SGMS2: variants seen among roughly 807,000 people sequenced by gnomAD.
The protein encoded by SGMS2 is phosphatidylcholine:ceramide cholinephosphotransferase 2.
Under a neutral mutation model 43.8 loss-of-function variants are expected in SGMS2, and 21 were observed. The ratio of observed to expected loss-of-function variants is 0.48; its 90% confidence interval spans 0.34 to 0.69. SGMS2 has a LOEUF of 0.69. Ranked by LOEUF, SGMS2 falls within the 30% of genes least tolerant of loss-of-function variation. The pLI is 0.01. For synonymous variants in SGMS2, 167 were observed against 160.6 expected (o/e 1.04, Z -0.30); for missense variants, 384 against 443.2 (o/e 0.87, Z 1.20).
At chr4:107,876,624 G>A (rs1336988906) in intron 2 of SGMS2, among the ~76,000 whole-genome samples, 1 of 152,210 alleles carries the variant, frequency 6.6e-6, no homozygotes, top group East Asian at 1.9e-4. Context: ...GGTAGAGGGA[G>A]CAATCAATAT....
chr4:107,829,234 A>G lies in SGMS2; in HGVS notation c.-327+3981A>G, dbSNP rs375733538. On this transcript the variant is annotated intron_variant, in intron 1 of 6. Coordinates refer to ENST00000690982, the MANE Select transcript of SGMS2 (RefSeq NM_001375905.1). The stretch of plus-strand genomic sequence containing the variant: ...TTTAATGAAAGTGCGAGAAATTTCT[A>G]TTAGTTTATTTTTATTATAAATATA... Among the ~76,000 whole-genome samples the G allele has an allele frequency of 2.6e-5, 4 of 152,164 alleles. No homozygotes were observed. The East Asian group carries it at 5.8e-4, about 22-fold the overall frequency.
At chr4:107,860,713 T>C (rs4956138) in intron 2 of SGMS2, among the ~76,000 whole-genome samples, 145,997 of 152,110 alleles carry the variant, frequency 0.96, 70,215 homozygotes, top group East Asian at 1. Context: ...TTAGTAGAGA[T>C]GGGGTTTCGC....
At chr4:107,840,227 A>G (rs945295764) in intron 1 of SGMS2, among the ~76,000 whole-genome samples, 2 of 152,218 alleles carry the variant, frequency 1.3e-5, no homozygotes, top group African/African-American at 4.8e-5. Flanking sequence ...TACTGTTGTA[A>G]GCAAGTCAAA....
At chr4:107,904,813 T>C (rs1731415019) in intron 5 of SGMS2, among the ~76,000 whole-genome samples, 1 of 152,170 alleles carries the variant, frequency 6.6e-6, no homozygotes, top group Admixed American at 6.6e-5. Context: ...TGGAAGGATA[T>C]ATGTTGCTTT....
At chr4:107,874,763 T>C (rs947262827) in intron 2 of SGMS2, among the ~76,000 whole-genome samples, 2 of 152,192 alleles carry the variant, frequency 1.3e-5, no homozygotes, top group African/African-American at 4.8e-5. Context: ...TCCTTAAAAT[T>C]GTTTAAATGG....
At chr4:107,900,430 T>C (rs980391854) in intron 4 of SGMS2, among the ~76,000 whole-genome samples, 5 of 152,160 alleles carry the variant, frequency 3.3e-5, no homozygotes, top group African/African-American at 1.2e-4. Flanking sequence ...GTGGAAATAA[T>C]GAGAAGTTGT....
At chr4:107,896,159 T>C (rs1311221667) in intron 3 of SGMS2, 151 bp downstream of exon 3, 3 of 745,076 alleles carry the variant, frequency 4.0e-6, no homozygotes, top group South Asian at 1.9e-5. Context: ...CTCTACCACA[T>C]TGAATAAATT....
intron 4 of SGMS2, among the ~76,000 whole-genome samples, chr4:107,900,762 G>A (rs1229002034): frequency 6.6e-6 from 1 of 152,154 alleles, no homozygotes; most frequent in Non-Finnish European, 1.5e-5. Flanking sequence ...TGTCTGAGGT[G>A]AAAGAAAAAT....
chr4:107,842,379 G>T (rs1726568513), intron 1 of SGMS2, among the ~76,000 whole-genome samples: 1 of 152,106 alleles, frequency 6.6e-6, no homozygotes, highest in Non-Finnish European at 1.5e-5. Context: ...AGAGAGAGAG[G>T]AGCGAGGTGC....
intron 2 of SGMS2, among the ~76,000 whole-genome samples, chr4:107,860,776 C>T (rs1335287246): frequency 2.0e-5 from 3 of 152,108 alleles, no homozygotes; most frequent in South Asian, 2.1e-4. Flanking sequence ...CCGCCTGCCT[C>T]GGCTTCCCAA....
chr4:107,831,101 T>C (rs544805036), intron 1 of SGMS2, among the ~76,000 whole-genome samples: 1 of 152,296 alleles, frequency 6.6e-6, no homozygotes, highest in East Asian at 1.9e-4. Flanking sequence ...ACCCTTAAAG[T>C]AGCCAAGGGT....
intron 1 of SGMS2, among the ~76,000 whole-genome samples, chr4:107,852,009 A>T (rs1358714264): frequency 6.6e-6 from 1 of 152,048 alleles, no homozygotes; most frequent in East Asian, 1.9e-4. Flanking sequence ...AAAATGAAAA[A>T]TGAGGTGTAC....
At position 107,877,973 on chromosome 4, in the gene SGMS2, T is replaced by C. The variant is rs1222014060; in HGVS notation, c.-244-17337T>C. ...CTCTGTCACCCAGGCTGGAGGGCAGTGGTGCAATCTCGGCTCACTGCAACC... is the reference window on the plus strand; with the variant it reads ...CTCTGTCACCCAGGCTGGAGGGCAGCGGTGCAATCTCGGCTCACTGCAACC... On this transcript the variant is annotated intron_variant, in intron 2 of 6. Coordinates refer to ENST00000690982, the MANE Select transcript of SGMS2 (RefSeq NM_001375905.1). Among the ~76,000 whole-genome samples, 5 of 142,590 alleles carry C rather than the reference T, an allele frequency of 3.5e-5. No individual in the cohort carries two copies. In the Admixed American group the frequency reaches 3.8e-4, roughly 11 times the overall value. The allele number at this position is 142,590 out of a possible 152,430, so 93.5% of individuals were successfully genotyped here. A position where few individuals can be genotyped will look rare whatever the true frequency, so the allele number is the denominator to read the frequency against.
At chr4:107,876,713 G>A (rs1004671543) in intron 2 of SGMS2, among the ~76,000 whole-genome samples, 1 of 152,096 alleles carries the variant, frequency 6.6e-6, no homozygotes, top group African/African-American at 2.4e-5. Flanking sequence ...TATTTTCAGA[G>A]AACTATTCTT....
intron 1 of SGMS2, among the ~76,000 whole-genome samples, chr4:107,853,874 C>T (rs1285982120): frequency 6.6e-6 from 1 of 152,196 alleles, no homozygotes; most frequent in East Asian, 1.9e-4. Context: ...AAACCAAATG[C>T]GGTCTGGAAT....
At chr4:107,847,153 A>C (rs945126995) in intron 1 of SGMS2, among the ~76,000 whole-genome samples, 1 of 151,454 alleles carries the variant, frequency 6.6e-6, no homozygotes, top group Admixed American at 6.6e-5. Flanking sequence ...TTTTATTGCC[A>C]TTGCTTTTGG....
chr4:107,868,984 G>T (rs1035127317), intron 2 of SGMS2, among the ~76,000 whole-genome samples: 3 of 152,154 alleles, frequency 2.0e-5, no homozygotes, highest in Non-Finnish European at 1.5e-5. Flanking sequence ...ATTTTTAAGA[G>T]ATTTGTGTAA....
chr4:107,840,619 A>G (rs1411755083), intron 1 of SGMS2, among the ~76,000 whole-genome samples: 3 of 152,296 alleles, frequency 2.0e-5, no homozygotes, highest in East Asian at 1.9e-4. Context: ...TTGATATGCA[A>G]TCTTGCATTT....
chr4:107,896,054 G>A, intron 3 of SGMS2, 46 bp downstream of exon 3: 1 of 1,532,690 alleles, frequency 6.5e-7, no homozygotes, highest in Non-Finnish European at 8.9e-7. Flanking sequence ...GTTTGTTTTT[G>A]AGTGAATAGA....
Sources: gnomAD v4.1 joint callset for allele counts (sites outside exome capture counted in the v4.1 genomes callset) on GRCh38, gnomAD v4.1.1 for gene constraint, MANE v1.5 for transcripts, NCBI Gene and HGNC (gene_info 2026-07-23, HGNC 2026-07-21) for gene names.